The following ABCC8 variants were observed in gnomAD, a reference collection of about 807,000 sequenced individuals.
ABCC8 encodes the protein ATP binding cassette subfamily C member 8, also known as ATP-binding cassette sub-family C member 8.
A neutral mutation model predicts 188.0 loss-of-function variants in ABCC8; 137 were observed. The ratio of observed to expected loss-of-function variants is 0.73; its 90% CI spans 0.63 to 0.84. The LOEUF is 0.84. ABCC8 is among the 40% of genes least tolerant of loss of function. The pLI, the probability that ABCC8 is intolerant of heterozygous loss-of-function variation, is 0.00. For synonymous variants in ABCC8, 797 were observed against 846.5 expected, an observed-to-expected ratio of 0.94 and a Z score of 1.01; for missense variants, 1,750 against 2,072.7, an observed-to-expected ratio of 0.84 and a Z score of 3.02.
chr11:17,399,329 C>T (rs912036164), intron 29 of ABCC8, among the ~76,000 whole-genome samples: 11 of 149,054 alleles, frequency 7.4e-5, no homozygotes, highest in African/African-American at 2.2e-4. Flanking sequence ...TATTAATGAC[C>T]TTCCACTGCT....
At position 17,395,282 on chromosome 11, in the gene ABCC8, G is replaced by A. The variant is rs1283097775; in HGVS notation, c.4308-7C>T. ...CTCAGGGTCCAGGTTAAATCTGGAA[G>A]TGGCACAGAAAGCCCCAGTAGGGAG... On this transcript the variant is annotated splice_region_variant and splice_polypyrimidine_tract_variant and intron_variant, in intron 35 of 38. Coordinates refer to ENST00000389817, the MANE Select transcript of ABCC8 (RefSeq NM_000352.6). The A allele has an allele frequency of 4.4e-6, 7 of 1,576,528 alleles. No individual in the cohort carries two copies. The highest frequency in any genetic ancestry group is 6.0e-6 in the Non-Finnish European group (7 of 1,159,270).
At chr11:17,436,143 G>T in intron 10 of ABCC8, 2 of 765,168 alleles carry the variant, frequency 2.6e-6, no homozygotes, top group Non-Finnish European at 4.8e-6. Context: ...GGGCTCGGAG[G>T]CAATGACAAC....
At chr11:17,419,412 C>T (rs1306453034) in intron 16 of ABCC8, among the ~76,000 whole-genome samples, 1 of 152,134 alleles carries the variant, frequency 6.6e-6, no homozygotes, top group Non-Finnish European at 1.5e-5. Context: ...TAGGGCAAAT[C>T]AGAAAGGTAC....
chr11:17,443,354 T>C, intron 8 of ABCC8, 42 bp from the exon 9 acceptor site: 1 of 1,613,488 alleles, frequency 6.2e-7, no homozygotes, highest in Non-Finnish European at 8.5e-7. Flanking sequence ...GACCTGATGG[T>C]TGCCCTGCCA....
intron 10 of ABCC8, among the ~76,000 whole-genome samples, chr11:17,437,476 C>G (rs1175987800): frequency 6.6e-6 from 1 of 152,242 alleles, no homozygotes; most frequent in East Asian, 1.9e-4. Flanking sequence ...TGTGCAGGGC[C>G]AGGGGAGGAG....
intron 37 of ABCC8, 152 bp from the exon 38 acceptor site, chr11:17,393,911 G>C: frequency 1.3e-6 from 2 of 1,504,712 alleles, no homozygotes; most frequent in Non-Finnish European, 1.8e-6. Flanking sequence ...ACAGGTTCCC[G>C]GCACTCAGGG....
chr11:17,419,038 G>A (rs929189149), intron 16 of ABCC8, among the ~76,000 whole-genome samples: 1 of 152,188 alleles, frequency 6.6e-6, no homozygotes, highest in Non-Finnish European at 1.5e-5. Flanking sequence ...CTCAGAGTTT[G>A]CAAATGTGAC....
chr11:17,458,229 G>A (rs566806749), intron 6 of ABCC8, among the ~76,000 whole-genome samples: 1 of 152,260 alleles, frequency 6.6e-6, no homozygotes, highest in African/African-American at 2.4e-5. Flanking sequence ...ATCTGATAAG[G>A]CCCACTGCCA....
rs1313646224 is a variant in ABCC8, at chr11:17,397,670, C to T, written c.3867+14G>A. The stretch of plus-strand genomic sequence containing the variant: ...TGTCTGACCCCTCCTCTGCCCTAGC[C>T]CACTGCCGCTCACCATTAGGGCGTA... On this transcript the variant is annotated intron_variant, in intron 31 of 38. Coordinates refer to ENST00000389817, the MANE Select transcript of ABCC8 (RefSeq NM_000352.6). 2 of 1,610,164 alleles carry T rather than the reference C, an allele frequency of 1.2e-6. No homozygotes were observed. The highest frequency in any genetic ancestry group is 1.1e-5 in the South Asian group (1 of 90,992).
At chr11:17,476,173 C>T (rs1299453985) in intron 1 of ABCC8, among the ~76,000 whole-genome samples, 1 of 152,308 alleles carries the variant, frequency 6.6e-6, no homozygotes, top group East Asian at 1.9e-4. Context: ...TTAGCTGGGC[C>T]TCCATCCCAG....
At chr11:17,413,525 G>T in intron 19 of ABCC8, 47 bp from the exon 20 acceptor site, 1 of 1,612,648 alleles carries the variant, frequency 6.2e-7, no homozygotes, top group Non-Finnish European at 8.5e-7. Flanking sequence ...CCTGGTCAGA[G>T]TTGGCCCGAG....
At position 17,393,868 on chromosome 11, in the gene ABCC8, G is replaced by A. The variant is rs541374986; in HGVS notation, c.4546-109C>T. On this transcript the variant is annotated intron_variant, in intron 37 of 38. Coordinates refer to ENST00000389817, the MANE Select transcript of ABCC8 (RefSeq NM_000352.6). Reference sequence around the variant, plus strand: ...TGTGGCTCAGCTCCCATCTGACCCCGATCCTAGTCCCACCCCCACCCCACA... The same window carrying A: ...TGTGGCTCAGCTCCCATCTGACCCCAATCCTAGTCCCACCCCCACCCCACA... 7.6e-4 allele frequency: 1,228 copies of A among 1,605,746 alleles called. 1 individual carries two copies. Among genetic ancestry groups the A allele is most frequent in the Middle Eastern group, 4.4e-3 (25 of 5,650 alleles).
chr11:17,417,012 T>C (rs751037982), intron 16 of ABCC8, 50 bp from the exon 17 acceptor site: 3 of 1,613,100 alleles, frequency 1.9e-6, no homozygotes, highest in Admixed American at 3.3e-5. Context: ...TCCCACCCCA[T>C]TGCCTTTCCA....
chr11:17,448,263 G>T, intron 8 of ABCC8: 1 of 496,776 alleles, frequency 2.0e-6, no homozygotes, highest in Non-Finnish European at 3.7e-6. Context: ...TTTTTCTATA[G>T]TTTATAAAGT....
intron 16 of ABCC8, among the ~76,000 whole-genome samples, chr11:17,421,717 T>C (rs1004048224): frequency 6.6e-6 from 1 of 152,156 alleles, no homozygotes; most frequent in Non-Finnish European, 1.5e-5. Context: ...AGAGAAAGCT[T>C]ATGAAATTTT....
intron 1 of ABCC8, among the ~76,000 whole-genome samples, chr11:17,476,249 G>C (rs915443131): frequency 2.0e-5 from 3 of 152,186 alleles, no homozygotes; most frequent in Admixed American, 1.3e-4. Context: ...CTGCCTTGCG[G>C]GAGGGGTGAC....
chr11:17,430,373 C>T, intron 12 of ABCC8: 1 of 313,646 alleles, frequency 3.2e-6, no homozygotes, highest in Non-Finnish European at 6.2e-6. Context: ...GGCTCAGGGG[C>T]TGTGGAAAGG....
At chr11:17,409,868 GTTTC>G (rs966629903) in intron 22 of ABCC8, among the ~76,000 whole-genome samples, 14 of 152,120 alleles carry the variant, frequency 9.2e-5, no homozygotes, top group East Asian at 3.9e-4. Flanking sequence ...TAATATTGAA[GTTTC>G]TTTCTTTCTT....
At chr11:17,412,815 G>T in intron 20 of ABCC8, 69 bp from the exon 21 acceptor site, 1 of 1,557,652 alleles carries the variant, frequency 6.4e-7, no homozygotes, top group Non-Finnish European at 8.7e-7. Flanking sequence ...TACCCTACTG[G>T]ACTATGAGCT....
Sources: allele counts gnomAD v4.1 joint callset (sites outside exome capture counted in the v4.1 genomes callset), GRCh38; gene constraint gnomAD v4.1.1; transcripts MANE v1.5; gene names NCBI Gene and HGNC (gene_info 2026-07-23, HGNC 2026-07-21).